LRRC4C: variants seen among roughly 807,000 people sequenced by gnomAD.
LRRC4C encodes the protein leucine-rich repeat-containing protein 4C.
In LRRC4C, 5 loss-of-function variants were observed where a neutral mutation model predicts 33.6. The ratio of observed to expected loss-of-function variants is 0.15; its 90% CI spans 0.08 to 0.31. The LOEUF (loss-of-function observed/expected upper bound fraction) is 0.31, where lower values mean the gene tolerates loss of function less well. Among genes scored for constraint, LRRC4C ranks in the 10% least tolerant of loss-of-function variants. LRRC4C has a pLI of 1.00. For missense variants in LRRC4C, 560 were observed against 796.7 expected, an observed-to-expected ratio of 0.70 and a Z score of 3.58; for synonymous variants, 329 against 302.0, an observed-to-expected ratio of 1.09 and a Z score of -0.93.
chr11:40,681,314 A>G (rs963723653), intron 2 of LRRC4C, among the ~76,000 whole-genome samples: 5 of 152,174 alleles, frequency 3.3e-5, no homozygotes, highest in Admixed American at 3.3e-4. Flanking sequence ...AAAACCTAAG[A>G]GTCACAGTAT....
At chr11:41,408,688 C>T (rs1262336655) in intron 1 of LRRC4C, among the ~76,000 whole-genome samples, 3 of 148,936 alleles carry the variant, frequency 2.0e-5, no homozygotes, top group African/African-American at 5.0e-5. Flanking sequence ...AAAAATTTTA[C>T]TCGCTGCTTT....
chr11:40,850,964 G>A (rs1360235478), intron 2 of LRRC4C, among the ~76,000 whole-genome samples: 2 of 152,126 alleles, frequency 1.3e-5, no homozygotes, highest in African/African-American at 4.8e-5. Flanking sequence ...CTCAGTAATG[G>A]CAGACCCACC....
At chr11:40,710,880 G>T (rs956277255) in intron 2 of LRRC4C, among the ~76,000 whole-genome samples, 4 of 152,308 alleles carry the variant, frequency 2.6e-5, no homozygotes, top group African/African-American at 9.6e-5. Flanking sequence ...CAGCTGCTTT[G>T]TTTACCTATT....
At chr11:40,968,307 G>C (rs957698997) in intron 1 of LRRC4C, among the ~76,000 whole-genome samples, 1 of 152,096 alleles carries the variant, frequency 6.6e-6, no homozygotes, top group African/African-American at 2.4e-5. Context: ...GGTTCACCAG[G>C]CTGAGTGAAA....
chr11:40,233,590 G>A (rs1456072370), intron 5 of LRRC4C, among the ~76,000 whole-genome samples: 1 of 152,116 alleles, frequency 6.6e-6, no homozygotes, highest in East Asian at 1.9e-4. Flanking sequence ...AAAAGTCTTA[G>A]TAATCTGGAT....
chr11:40,903,786 T>C (rs2136209504), intron 2 of LRRC4C, among the ~76,000 whole-genome samples: 1 of 152,306 alleles, frequency 6.6e-6, no homozygotes, highest in African/African-American at 2.4e-5. Context: ...TAGTTGTATC[T>C]TTTAAAATAA....
chr11:41,019,650 G>C (rs570799380), intron 1 of LRRC4C, among the ~76,000 whole-genome samples: 2 of 152,064 alleles, frequency 1.3e-5, no homozygotes, highest in Non-Finnish European at 1.5e-5. Context: ...GTGTAAAAGC[G>C]TTCTTATTTA....
At chr11:40,704,252 T>A (rs141850522) in intron 2 of LRRC4C, among the ~76,000 whole-genome samples, 1 of 152,296 alleles carries the variant, frequency 6.6e-6, no homozygotes, top group African/African-American at 2.4e-5. Flanking sequence ...TCCCTTCATT[T>A]TCATATCAGA....
At position 40,476,059 on chromosome 11, in the gene LRRC4C, G is replaced by A. The variant is rs114198808; in HGVS notation, c.-269-156338C>T. On this transcript the variant is annotated intron_variant, in intron 3 of 6. Coordinates refer to ENST00000528697, the MANE Select transcript of LRRC4C (RefSeq NM_001258419.2). The stretch of plus-strand genomic sequence containing the variant: ...ATACCCTCCTGCATCTCCAGACATT[G>A]CAAAATGTTCCCTGCAGGACCAAGC... Among the ~76,000 whole-genome samples, 999 of 152,222 alleles carry A rather than the reference G, an allele frequency of 6.6e-3. 16 individuals are homozygous for A. Among genetic ancestry groups the A allele is most frequent in the African/African-American group, 0.023 (958 of 41,540 alleles).
At chr11:40,544,007 G>A (rs1247193695) in intron 3 of LRRC4C, among the ~76,000 whole-genome samples, 1 of 152,044 alleles carries the variant, frequency 6.6e-6, no homozygotes, top group African/African-American at 2.4e-5. Flanking sequence ...ATAGACGGTT[G>A]ATAGAGAAAG....
rs369020703 is a variant in LRRC4C, at chr11:40,353,693, G to A, written c.-269-33972C>T. On this transcript the variant is annotated intron_variant, in intron 3 of 6. Transcript: ENST00000528697. The stretch of plus-strand genomic sequence containing the variant: ...CATGCCAATGCACACCAGCCTGGGC[G>A]ATACAGCGAGACTCTGTCTCAAGAA... Among the ~76,000 whole-genome samples the A allele has an allele frequency of 7.9e-4, 120 of 152,268 alleles. 5 individuals carry two copies. The South Asian group carries it at 0.023, about 29-fold the overall frequency.
At chr11:40,371,046 G>A (rs529289324) in intron 3 of LRRC4C, among the ~76,000 whole-genome samples, 28 of 151,822 alleles carry the variant, frequency 1.8e-4, no homozygotes, top group South Asian at 1.0e-3. Context: ...GGACTTAGAG[G>A]CACTCACTTT....
At chr11:40,653,692 C>T (rs1461535579) in intron 2 of LRRC4C, among the ~76,000 whole-genome samples, 1 of 152,208 alleles carries the variant, frequency 6.6e-6, no homozygotes, top group African/African-American at 2.4e-5. Flanking sequence ...AAGAAAACCT[C>T]ATTTTCTGAG....
chr11:40,824,723 T>C (rs1275371850), intron 2 of LRRC4C, among the ~76,000 whole-genome samples: 1 of 151,970 alleles, frequency 6.6e-6, no homozygotes, highest in Admixed American at 6.6e-5. Context: ...TGTCAACGTG[T>C]CTCCATGGGT....
intron 3 of LRRC4C, among the ~76,000 whole-genome samples, chr11:40,375,505 T>C (rs556414813): frequency 6.6e-6 from 1 of 152,242 alleles, no homozygotes; most frequent in African/African-American, 2.4e-5. Flanking sequence ...AGATTTACTA[T>C]TAGTAAAATG....
At chr11:40,140,281 GT>G (rs1269878227) in intron 6 of LRRC4C, among the ~76,000 whole-genome samples, 1 of 152,112 alleles carries the variant, frequency 6.6e-6, no homozygotes, top group Non-Finnish European at 1.5e-5. Context: ...CTCTCTGCAG[GT>G]AGAACTACCA....
At chr11:41,208,899 A>G (rs1025499284) in intron 1 of LRRC4C, among the ~76,000 whole-genome samples, 3 of 152,146 alleles carry the variant, frequency 2.0e-5, no homozygotes, top group African/African-American at 7.2e-5. Context: ...CACCCCACAG[A>G]ACTGAGGGTG....
chr11:40,271,850 C>T (rs1942725328), intron 4 of LRRC4C, among the ~76,000 whole-genome samples: 1 of 152,174 alleles, frequency 6.6e-6, no homozygotes, highest in South Asian at 2.1e-4. Context: ...TTTATTCTAT[C>T]ATGTCCTATG....
intron 4 of LRRC4C, among the ~76,000 whole-genome samples, chr11:40,261,657 T>A (rs890299182): frequency 2.6e-5 from 4 of 152,130 alleles, no homozygotes; most frequent in Non-Finnish European, 5.9e-5. Context: ...TAGTCCATCA[T>A]CCCATAGCCC....
Sources: gnomAD v4.1 joint callset for allele counts (sites outside exome capture counted in the v4.1 genomes callset) on GRCh38, gnomAD v4.1.1 for gene constraint, MANE v1.5 for transcripts, NCBI Gene and HGNC (gene_info 2026-07-23, HGNC 2026-07-21) for gene names.